MESP1: variants seen among roughly 807,000 people sequenced by gnomAD.
MESP1 encodes mesoderm posterior bHLH transcription factor 1, also known as mesoderm posterior protein 1.
In MESP1, 22 loss-of-function variants were observed where a neutral mutation model predicts 15.2. The observed-to-expected ratio is 1.45, with a 90% CI of 1.04 to 2.07. The LOEUF is 2.07. Ranked by LOEUF, MESP1 falls within the 30% of genes most tolerant of loss-of-function variation. The pLI is 0.00. For synonymous variants in MESP1, 216 were observed against 192.6 expected (o/e 1.12, Z -1.01); for missense variants, 484 against 411.9 (o/e 1.17, Z -1.51).
Position 89,750,629 on chromosome 15 carries a change from C to G in MESP1, c.603G>C (p.Trp201Cys), listed in dbSNP as rs1968070295. The change falls in exon 1 of 2, where the codon TGG (tryptophan) becomes TGC (cysteine). Residue 201 changes from tryptophan to cysteine, a missense_variant. Trp to Cys is a radical substitution (Grantham distance 215). Transcript: ENST00000300057. Reference protein sequence around the residue: ...LVSAVRAGASWGSPPACPGAR... With the variant: ...LVSAVRAGASCGSPPACPGAR... ...CTCCGGGGCAGGCAGGCGGGGATCC[C>G]CAGGACGCCCCGGCGCGGACGGCGG... 7.2e-7 allele frequency: 1 copy of G among 1,380,292 alleles called. No homozygotes were observed. The highest frequency in any genetic ancestry group is 1.5e-5 in the African/African-American group (1 of 65,552). The allele number at this position is 1,380,292 out of a possible 1,614,324, so 85.5% of individuals were successfully genotyped here. A position where few individuals can be genotyped will look rare whatever the true frequency, so the allele number is the denominator to read the frequency against.
chr15:89,737,430 C>T, the MESP1 span: 4 of 1,118,132 alleles, frequency 3.6e-6, no homozygotes, highest in South Asian at 6.0e-5. Flanking sequence ...CTCCAGCAGC[C>T]CTGGATGGAT....
rs940735667 is a variant in MESP1 at position 89,750,007 on chromosome 15, G to C, written c.*137C>G. The C allele has an allele frequency of 2.4e-6, 2 of 835,986 alleles. No individual in the cohort carries two copies. The highest frequency in any genetic ancestry group is 3.8e-5 in the Admixed American group (2 of 52,582). 51.8% of individuals were successfully genotyped at this position (835,986 alleles called of 1,614,324 possible). ...GAGAAGGGCCGCCGCGGTGGGGACGGCTCTCACCCGCAGGAATGCCCCCGT... is the reference window on the plus strand; with the variant it reads ...GAGAAGGGCCGCCGCGGTGGGGACGCCTCTCACCCGCAGGAATGCCCCCGT... On this transcript the variant is annotated 3_prime_UTR_variant, in exon 2 of 2. Coordinates refer to ENST00000300057, the MANE Select transcript of MESP1 (RefSeq NM_018670.4).
chr15:89,743,365 C>T, the MESP1 span: 1 of 1,614,178 alleles, frequency 6.2e-7, no homozygotes. Flanking sequence ...CTCCTTGTCG[C>T]TCCAGAGAGA....
At chr15:89,737,762 A>C in the MESP1 span, 4 of 1,612,654 alleles carry the variant, frequency 2.5e-6, no homozygotes, top group Non-Finnish European at 3.4e-6. Context: ...ATGCCCACTG[A>C]CCATTTCCCT....
the MESP1 span, among the ~76,000 whole-genome samples, chr15:89,744,089 G>A: frequency 1.3e-5 from 2 of 152,222 alleles, no homozygotes; most frequent in African/African-American, 2.4e-5. Context: ...GGATCCGTGA[G>A]GACCCTGTGT....
chr15:89,736,831 G>A, the MESP1 span, among the ~76,000 whole-genome samples: 30 of 147,680 alleles, frequency 2.0e-4, no homozygotes, highest in African/African-American at 6.0e-4. Context: ...TCGCTCTGCC[G>A]CCCAGGCTGG....
chr15:89,751,024 C>G lies in MESP1; in HGVS notation c.208G>C (p.Gly70Arg). 4 of 1,353,164 alleles carry G rather than the reference C, an allele frequency of 3.0e-6. No homozygotes were observed. The East Asian group carries it at 1.2e-4, about 41-fold the overall frequency. The allele number at this position is 1,353,164 out of a possible 1,614,324, so 83.8% of individuals were successfully genotyped here. The change falls in exon 1 of 2, where the codon GGT becomes CGT. Residue 70 changes from glycine to arginine, a missense_variant. By Grantham distance (125) the Gly-to-Arg change is moderately radical. Transcript: ENST00000300057. ...CGGCTGCTGCGCGCGCCGCGCCTAC[C>G]TACGGAGGGGGCGCGGGGGTCCCGG... ...TLRDPRAPSV[G>R]RRGARSSRLG...
chr15:89,739,848 G>A, the MESP1 span, among the ~76,000 whole-genome samples: 2 of 152,164 alleles, frequency 1.3e-5, no homozygotes, highest in East Asian at 3.9e-4. Flanking sequence ...TCTTTACTCA[G>A]GGAAGAGTCA....
Position 89,751,083 on chromosome 15 carries a change from C to T in MESP1, c.149G>A (p.Ser50Asn). 1 of 1,324,658 alleles carries T rather than the reference C, an allele frequency of 7.5e-7. No homozygotes were observed. Among genetic ancestry groups the T allele is most frequent in the African/African-American group, 1.5e-5 (1 of 65,722 alleles). The allele number at this position is 1,324,658 out of a possible 1,614,324, so 82.1% of individuals were successfully genotyped here. A position where few individuals can be genotyped will look rare whatever the true frequency, so the allele number is the denominator to read the frequency against. ...TGGCCGCGCGGGGCTCGCCACGGGG[C>T]TGTCGGCTGGGGTGCTGCCCCATGA... is the stretch of plus-strand genomic sequence containing the variant. ...PDSWGSTPAD[S>N]PVASPARPGT... The change falls in exon 1 of 2, where the codon AGC becomes AAC. Residue 50 changes from serine (S) to asparagine (N), a missense_variant. By Grantham distance (46) the Ser-to-Asn change is conservative (BLOSUM62 1). Transcript: ENST00000300057.
At chr15:89,736,334 G>A in the MESP1 span, among the ~76,000 whole-genome samples, 3 of 152,256 alleles carry the variant, frequency 2.0e-5, no homozygotes, top group South Asian at 4.1e-4. Context: ...GTGGCCCTAC[G>A]GAGGGTGAGG....
the MESP1 span, among the ~76,000 whole-genome samples, chr15:89,738,496 A>C: frequency 6.6e-6 from 1 of 151,920 alleles, no homozygotes; most frequent in African/African-American, 2.4e-5. Flanking sequence ...GTGTGGTGGT[A>C]CATGCCTGTA....
At chr15:89,747,107 C>T (rs1230865523), downstream of MESP1, among the ~76,000 whole-genome samples, 32 of 3,596 alleles carry the variant, frequency 8.9e-3, no homozygotes, top group Admixed American at 0.021. Flanking sequence ...CACATACACA[C>T]ACACACACAC....
downstream of MESP1, chr15:89,749,852 GGTAGGA>G: frequency 2.7e-6 from 1 of 374,094 alleles, no homozygotes; most frequent in Non-Finnish European, 5.1e-6. Context: ...TGTGTCCACG[GGTAGGA>G]AGAAGAAATT....
At chr15:89,742,722 G>C in the MESP1 span, among the ~76,000 whole-genome samples, 2 of 151,950 alleles carry the variant, frequency 1.3e-5, no homozygotes, top group African/African-American at 4.8e-5. Flanking sequence ...TAGTAGAGAC[G>C]GGGTTTCTCC....
At chr15:89,746,738 C>T (rs1190214754), downstream of MESP1, among the ~76,000 whole-genome samples, 31 of 146,242 alleles carry the variant, frequency 2.1e-4, no homozygotes, top group African/African-American at 7.5e-4. Flanking sequence ...CCTCCCCACA[C>T]ATATACACAC....
chr15:89,750,648 A>G lies in MESP1; in HGVS notation c.584T>C (p.Val195Ala). 7.3e-7 allele frequency: 1 copy of G among 1,371,050 alleles called. No homozygotes were observed. Among genetic ancestry groups the G allele is most frequent in the Non-Finnish European group, 9.3e-7 (1 of 1,071,200 alleles). 84.9% of individuals were successfully genotyped at this position (1,371,050 alleles called of 1,614,324 possible). A position where few individuals can be genotyped will look rare whatever the true frequency, so the allele number is the denominator to read the frequency against. ...QGRGLGLVSAVRAGASWGSPP... is the reference protein window; with the variant it reads ...QGRGLGLVSAARAGASWGSPP... The stretch of plus-strand genomic sequence containing the variant: ...GGATCCCCAGGACGCCCCGGCGCGG[A>G]CGGCGGATACCAGGCCCAGCCCGCG... Residue 195 changes from valine to alanine, a missense_variant, in exon 1 of 2, where the codon GTC (valine) becomes GCC (alanine). Transcript: ENST00000300057.
Position 89,750,530 on chromosome 15 carries a change from C to A in MESP1, c.702G>T (p.Met234Ile), listed in dbSNP as rs1432632722. The part of the protein sequence containing the change: ...AEAACPEGQA[M>I]EPSPPSPLLP... ...TAACCGGGGACGGTGGGCTTGGCTC[C>A]ATCGCCTGCCCTTCAGGGCACGCCG... The change falls in exon 1 of 2, where the codon ATG (methionine) becomes ATT (isoleucine). Residue 234 changes from methionine (M) to isoleucine (I), a missense_variant. Transcript: ENST00000300057. The A allele has an allele frequency of 6.7e-7, 1 of 1,498,762 alleles. No homozygotes were observed. Among genetic ancestry groups the A allele is most frequent in the Non-Finnish European group, 8.8e-7 (1 of 1,131,968 alleles). 92.8% of individuals were successfully genotyped at this position (1,498,762 alleles called of 1,614,324 possible). A position where few individuals can be genotyped will look rare whatever the true frequency, so the allele number is the denominator to read the frequency against.
At chr15:89,733,207 T>G in the MESP1 span, 6 of 1,613,772 alleles carry the variant, frequency 3.7e-6, no homozygotes, top group Non-Finnish European at 5.1e-6. Context: ...ACCATCAGTG[T>G]GCTTGTTGAG....
the MESP1 span, among the ~76,000 whole-genome samples, chr15:89,734,709 G>A: frequency 6.6e-6 from 1 of 151,984 alleles, no homozygotes; most frequent in Non-Finnish European, 1.5e-5. Flanking sequence ...TTTAGGCCAG[G>A]TACAGAGGGT....
Sources: gnomAD v4.1 joint callset for allele counts (sites outside exome capture counted in the v4.1 genomes callset) on GRCh38, gnomAD v4.1.1 for gene constraint, MANE v1.5 for transcripts, NCBI Gene and HGNC (gene_info 2026-07-23, HGNC 2026-07-21) for gene names.